The following CSMD1 variants were observed in gnomAD, a reference collection of about 807,000 sequenced individuals.
CSMD1 encodes the protein CUB and Sushi multiple domains 1.
Under a neutral mutation model 417.5 loss-of-function variants are expected in CSMD1, and 213 were observed. That is an observed-to-expected ratio of 0.51 (90% confidence interval 0.46 to 0.57). The LOEUF (loss-of-function observed/expected upper bound fraction) is 0.57. Among genes scored for constraint, CSMD1 ranks in the 20% least tolerant of loss-of-function variants. CSMD1 has a pLI of 0.00. For synonymous variants in CSMD1, 2,862 were observed against 1,736.8 expected (o/e 1.65, Z -16.11); for missense variants, 6,923 against 4,529.7 (o/e 1.53, Z -15.17).
In CSMD1 at chr8:3,720,620, T is replaced by TTCACACACACACACACAC. The variant is rs72331833; in HGVS notation, c.932-12130_932-12129insGTGTGTGTGTGTGTGTGA. Among the ~76,000 whole-genome samples, 1,071 of 143,390 alleles carry TTCACACACACACACACAC rather than the reference T, an allele frequency of 7.5e-3. 9 individuals are homozygous for TTCACACACACACACACAC. The highest frequency in any genetic ancestry group is 0.014 in the African/African-American group (532 of 37,914). The allele number at this position is 143,390 out of a possible 152,430, so 94.1% of individuals were successfully genotyped here. A position where few individuals can be genotyped will look rare whatever the true frequency, so the allele number is the denominator to read the frequency against. ...CATTGGTGGTCAAAGTCTTTATTCT[T>TTCACACACACACACACAC]ACACACACACACACACACACACACA... On this transcript the variant is annotated intron_variant, in intron 6 of 69. Coordinates refer to ENST00000635120, the MANE Select transcript of CSMD1 (RefSeq NM_033225.6).
At chr8:4,897,457 G>T (rs796790628) in intron 1 of CSMD1, among the ~76,000 whole-genome samples, 1 of 152,018 alleles carries the variant, frequency 6.6e-6, no homozygotes, top group Non-Finnish European at 1.5e-5. Context: ...TTGCTGATGG[G>T]AATATCTTTA....
intron 1 of CSMD1, among the ~76,000 whole-genome samples, chr8:4,929,669 T>G (rs1329795341): frequency 1.3e-5 from 2 of 152,162 alleles, no homozygotes; most frequent in East Asian, 3.9e-4. Context: ...TCTACACATC[T>G]CCCAGAAAAC....
At chr8:3,773,746 G>A (rs1404651864) in intron 5 of CSMD1, among the ~76,000 whole-genome samples, 2 of 152,130 alleles carry the variant, frequency 1.3e-5, no homozygotes, top group Admixed American at 6.5e-5. Flanking sequence ...CATGATGGGC[G>A]GTGACACTAA....
chr8:3,037,212 T>TTTTG (rs1306558094), intron 50 of CSMD1, among the ~76,000 whole-genome samples: 44 of 149,428 alleles, frequency 2.9e-4, no homozygotes, highest in Middle Eastern at 3.4e-3. Flanking sequence ...ACTTTCTTTT[T>TTTTG]TTTGTTTTTT....
At chr8:4,985,983 G>A (rs528423641) in intron 1 of CSMD1, among the ~76,000 whole-genome samples, 1 of 152,104 alleles carries the variant, frequency 6.6e-6, no homozygotes, top group Non-Finnish European at 1.5e-5. Flanking sequence ...AGTTTGCCAA[G>A]GTCTCTCTTC....
intron 4 of CSMD1, among the ~76,000 whole-genome samples, chr8:4,002,241 G>C (rs893132821): frequency 2.0e-5 from 3 of 152,062 alleles, no homozygotes; most frequent in Non-Finnish European, 2.9e-5. Flanking sequence ...GTGTGTGCGT[G>C]TGTTTGTGTG....
intron 26 of CSMD1, among the ~76,000 whole-genome samples, chr8:3,244,515 C>A (rs1799754494): frequency 6.6e-6 from 1 of 152,210 alleles, no homozygotes; most frequent in Non-Finnish European, 1.5e-5. Flanking sequence ...AGTACACCAG[C>A]TTTTACACTG....
intron 7 of CSMD1, among the ~76,000 whole-genome samples, chr8:3,695,871 A>G (rs142389846): frequency 3.9e-5 from 6 of 152,304 alleles, no homozygotes; most frequent in Non-Finnish European, 4.4e-5. Flanking sequence ...TATATTTTTT[A>G]CAAGGTATAT....
At chr8:3,645,603 G>T (rs754810738) in intron 7 of CSMD1, among the ~76,000 whole-genome samples, 9 of 152,194 alleles carry the variant, frequency 5.9e-5, no homozygotes, top group Non-Finnish European at 1.3e-4. Context: ...TCAGCCTTCT[G>T]CAAGGGATCA....
intron 3 of CSMD1, among the ~76,000 whole-genome samples, chr8:4,062,533 T>G (rs1316996067): frequency 1.3e-5 from 2 of 152,164 alleles, no homozygotes; most frequent in Non-Finnish European, 2.9e-5. Flanking sequence ...AAATCACCTG[T>G]GGCATTGACA....
intron 10 of CSMD1, among the ~76,000 whole-genome samples, chr8:3,569,863 T>G (rs942462678): frequency 2.0e-5 from 3 of 152,200 alleles, no homozygotes; most frequent in African/African-American, 4.8e-5. Flanking sequence ...TATGTCAACC[T>G]GGAATACCTT....
intron 3 of CSMD1, among the ~76,000 whole-genome samples, chr8:4,378,795 G>A (rs147496419): frequency 2.6e-5 from 4 of 152,144 alleles, no homozygotes; most frequent in African/African-American, 9.7e-5. Context: ...GCCCTTGTAA[G>A]ACGTCAAGGG....
At chr8:3,748,175 TGA>T (rs1325981405) in intron 6 of CSMD1, among the ~76,000 whole-genome samples, 5 of 152,236 alleles carry the variant, frequency 3.3e-5, no homozygotes, top group African/African-American at 9.6e-5. Flanking sequence ...TCTTTTGTTC[TGA>T]GAGAAATTAA....
rs1156499479 is a variant in CSMD1 at position 4,111,435 on chromosome 8, A to T, written c.416-79336T>A. 5.3e-5 allele frequency among the ~76,000 whole-genome samples: 8 copies of T among 152,256 alleles called. No individual in the cohort carries two copies. The East Asian group carries it at 1.5e-3, about 29-fold the overall frequency. The stretch of plus-strand genomic sequence containing the variant: ...TATAGAATTATTTATATTCCTTAGG[A>T]TATATACCCAGTAATGGGAAAAGCA... On this transcript the variant is annotated intron_variant, in intron 3 of 69. Coordinates refer to ENST00000635120, the MANE Select transcript of CSMD1 (RefSeq NM_033225.6).
At chr8:3,243,257 A>G (rs1563178799) in intron 26 of CSMD1, among the ~76,000 whole-genome samples, 1 of 152,090 alleles carries the variant, frequency 6.6e-6, no homozygotes, top group Non-Finnish European at 1.5e-5. Context: ...CGGAGCAAAG[A>G]GCAGGAGAAC....
chr8:4,146,052 T>G lies in CSMD1; in HGVS notation c.416-113953A>C, dbSNP rs548467841. ...GTTGGGGAGTGAACACTTAGCAACA[T>G]TGCAGACACTTGAGGGAGGCAATTG... is the stretch of plus-strand genomic sequence containing the variant. On this transcript the variant is annotated intron_variant, in intron 3 of 69. Transcript: ENST00000635120. Among the ~76,000 whole-genome samples, 5 of 150,730 alleles carry G rather than the reference T, an allele frequency of 3.3e-5. 1 individual carries two copies. Among genetic ancestry groups the G allele is most frequent in the African/African-American group, 1.2e-4 (5 of 40,152 alleles).
intron 2 of CSMD1, among the ~76,000 whole-genome samples, chr8:4,445,596 G>T (rs988807676): frequency 6.6e-6 from 1 of 152,156 alleles, no homozygotes; most frequent in South Asian, 2.1e-4. Context: ...GTTTAAGAAA[G>T]AACTGTGTGT....
intron 5 of CSMD1, among the ~76,000 whole-genome samples, chr8:3,772,671 A>G (rs1798680256): frequency 6.8e-6 from 1 of 146,910 alleles, no homozygotes; most frequent in Non-Finnish European, 1.5e-5. Context: ...ACATTTATAT[A>G]TACATATATA....
chr8:4,197,667 C>T (rs923594576), intron 3 of CSMD1, among the ~76,000 whole-genome samples: 3 of 152,110 alleles, frequency 2.0e-5, no homozygotes, highest in African/African-American at 4.8e-5. Flanking sequence ...TCATTTGAGG[C>T]CAGGAGTTTG....
Sources: allele counts gnomAD v4.1 joint callset (sites outside exome capture counted in the v4.1 genomes callset), GRCh38; gene constraint gnomAD v4.1.1; transcripts MANE v1.5; gene names NCBI Gene and HGNC (gene_info 2026-07-23, HGNC 2026-07-21).